The following MCC variants were observed in gnomAD, a reference collection of about 807,000 sequenced individuals.
MCC encodes the protein MCC regulator of Wnt signaling pathway.
Under a neutral mutation model 116.2 loss-of-function variants are expected in MCC, and 90 were observed. The ratio of observed to expected loss-of-function variants is 0.77; its 90% CI spans 0.65 to 0.92. The LOEUF (loss-of-function observed/expected upper bound fraction) is 0.92. MCC is among the 40% of genes least tolerant of loss of function. The pLI is 0.00. For synonymous variants in MCC, 578 were observed against 510.5 expected, an observed-to-expected ratio of 1.13 and a Z score of -1.78; for missense variants, 1,516 against 1,312.2, an observed-to-expected ratio of 1.16 and a Z score of -2.40.
intron 3 of MCC, among the ~76,000 whole-genome samples, chr5:113,338,601 T>C (rs1767926686): frequency 6.6e-6 from 1 of 152,260 alleles, no homozygotes; most frequent in Non-Finnish European, 1.5e-5. Context: ...TTTTGATCTC[T>C]GTTTAACACT....
In MCC at chr5:113,151,381, C is replaced by T. The variant is rs755604999; in HGVS notation, c.669G>A (p.Val223=). 9 of 1,613,506 alleles carry T rather than the reference C, an allele frequency of 5.6e-6. No homozygotes were observed. The Admixed American group carries it at 1.3e-4, about 24-fold the overall frequency. The change falls in exon 4 of 19, where the codon GTG becomes GTA. Residue 223 remains valine, a synonymous_variant. Coordinates refer to ENST00000408903, the MANE Select transcript of MCC (RefSeq NM_001085377.2). Reference sequence around the variant, plus strand: ...TTTGCTGGAGACGTTTATTAAGTTCCACTATATCTCCCTTTAGTGATGCCA... The same window carrying T: ...TTTGCTGGAGACGTTTATTAAGTTCTACTATATCTCCCTTTAGTGATGCCA... The part of the protein sequence containing the change: ...AALASLKGDI[V]ELNKRLQQTE...
chr5:113,067,235 C>T (rs1753678927), intron 13 of MCC, among the ~76,000 whole-genome samples: 1 of 152,188 alleles, frequency 6.6e-6, no homozygotes, highest in Non-Finnish European at 1.5e-5. Flanking sequence ...GGGGGAAGGA[C>T]AGGCACAGGA....
At chr5:113,072,202 G>A (rs889204143) in intron 11 of MCC, among the ~76,000 whole-genome samples, 3 of 152,306 alleles carry the variant, frequency 2.0e-5, no homozygotes, top group African/African-American at 7.2e-5. Flanking sequence ...AAATGTTAAG[G>A]GGTTTGGAAG....
intron 4 of MCC, among the ~76,000 whole-genome samples, chr5:113,146,198 G>A (rs1353625649): frequency 8.3e-5 from 3 of 36,272 alleles, no homozygotes; most frequent in African/African-American, 2.7e-4. Flanking sequence ...ATGAGACTGT[G>A]CTGGGTGCTA....
chr5:113,197,747 T>C (rs1349086140), intron 3 of MCC, among the ~76,000 whole-genome samples: 3 of 152,306 alleles, frequency 2.0e-5, no homozygotes, highest in East Asian at 3.9e-4. Context: ...CCTCACTTTA[T>C]AGTTGAGAAG....
At position 113,026,607 on chromosome 5, in the gene MCC, G is replaced by C. The variant is rs769496739; in HGVS notation, c.*695C>G. ...TTCCCAGCCCTGCCTCCAAAATGAA[G>C]ATTGAAGGAAGTTTTTATTCTCTCA... On this transcript the variant is annotated 3_prime_UTR_variant, in exon 19 of 19. Coordinates refer to ENST00000408903, the MANE Select transcript of MCC (RefSeq NM_001085377.2). 1 of 152,174 alleles carries C rather than the reference G, an allele frequency of 6.6e-6. No individual in the cohort carries two copies. The highest frequency in any genetic ancestry group is 1.5e-5 in the Non-Finnish European group (1 of 68,058). The allele number at this position is 152,174 out of a possible 1,614,324, so 9.4% of individuals were successfully genotyped here. A position where few individuals can be genotyped will look rare whatever the true frequency, so the allele number is the denominator to read the frequency against.
Position 113,294,604 on chromosome 5 carries a change from G to A in MCC, c.627+45915C>T, listed in dbSNP as rs532053504. On this transcript the variant is annotated intron_variant, in intron 3 of 18. Coordinates refer to ENST00000408903, the MANE Select transcript of MCC (RefSeq NM_001085377.2). ...TCACGGACGAGCCATTGCTGCAGGA[G>A]GCTCGGTGGCGCGGCGCGCTCGCAG... 4 of 1,184,392 alleles carry A rather than the reference G, an allele frequency of 3.4e-6. No individual in the cohort carries two copies. In the East Asian group the frequency reaches 1.1e-4, roughly 33 times the overall value. 73.4% of individuals were successfully genotyped at this position (1,184,392 alleles called of 1,614,324 possible).
intron 8 of MCC, among the ~76,000 whole-genome samples, chr5:113,089,165 A>G (rs1308714606): frequency 6.6e-6 from 1 of 152,020 alleles, no homozygotes; most frequent in Non-Finnish European, 1.5e-5. Flanking sequence ...TGTCTGGTAA[A>G]CATTATGATG....
intron 1 of MCC, among the ~76,000 whole-genome samples, chr5:113,411,691 T>TA (rs1188633646): frequency 2.0e-5 from 3 of 151,146 alleles, no homozygotes; most frequent in South Asian, 2.1e-4. Flanking sequence ...AAAAGCAAAA[T>TA]AAAAAAAAAT....
intron 3 of MCC, among the ~76,000 whole-genome samples, chr5:113,265,608 C>T (rs1465776435): frequency 6.6e-6 from 1 of 152,176 alleles, no homozygotes; most frequent in Non-Finnish European, 1.5e-5. Context: ...AATATGAACA[C>T]ACCCCCTTTT....
chr5:113,355,579 A>G (rs1343015366), intron 2 of MCC, among the ~76,000 whole-genome samples: 1 of 152,152 alleles, frequency 6.6e-6, no homozygotes, highest in Non-Finnish European at 1.5e-5. Flanking sequence ...TCTGGAGGCT[A>G]GAAGTCCAAA....
intron 8 of MCC, among the ~76,000 whole-genome samples, chr5:113,086,306 G>GGGGCGTGAGAGTC (rs1554115966): frequency 1.3e-5 from 2 of 151,540 alleles, no homozygotes; most frequent in Admixed American, 6.6e-5. Flanking sequence ...TGATATGCCT[G>GGGGCGTGAGAGTC]GGGGGTTGAA....
intron 3 of MCC, chr5:113,204,475 T>C (rs1276245567): frequency 6.6e-6 from 1 of 152,244 alleles, no homozygotes; most frequent in Non-Finnish European, 1.5e-5. Flanking sequence ...AATTCTAAAA[T>C]ATACACCAAA....
chr5:113,098,913 G>T (rs1756219084), intron 8 of MCC, among the ~76,000 whole-genome samples: 1 of 152,188 alleles, frequency 6.6e-6, no homozygotes. Context: ...ACTCTGTACT[G>T]TCACAGGGTA....
intron 3 of MCC, among the ~76,000 whole-genome samples, chr5:113,239,932 G>C (rs1298957584): frequency 6.6e-6 from 1 of 152,156 alleles, no homozygotes; most frequent in African/African-American, 2.4e-5. Flanking sequence ...TCTCCACACA[G>C]AGCTCAGGTT....
chr5:113,330,651 G>A (rs987345631), intron 3 of MCC, among the ~76,000 whole-genome samples: 3 of 152,074 alleles, frequency 2.0e-5, no homozygotes, highest in African/African-American at 4.8e-5. Context: ...ATTCTGTGAC[G>A]AAAACCCCTC....
At position 113,488,224 on chromosome 5, in the gene MCC, TCCTCGTA is replaced by T; in HGVS notation, c.170+14_170+20del. ...GGGACTGATCTCGCTCCTGTCGGTTTCCTCGTACCTCCCCGCGTACCTGCTGATGTAT... is the reference window on the plus strand; with the variant it reads ...GGGACTGATCTCGCTCCTGTCGGTTTCCTCCCCGCGTACCTGCTGATGTAT... On this transcript the variant is annotated intron_variant, in intron 1 of 18. Coordinates refer to ENST00000408903, the MANE Select transcript of MCC (RefSeq NM_001085377.2). The T allele has an allele frequency of 3.2e-6, 5 of 1,579,928 alleles. No homozygotes were observed. Among genetic ancestry groups the T allele is most frequent in the Non-Finnish European group, 3.4e-6 (4 of 1,164,472 alleles).
intron 3 of MCC, among the ~76,000 whole-genome samples, chr5:113,198,696 A>G (rs999908425): frequency 7.7e-6 from 1 of 129,760 alleles, no homozygotes; most frequent in Non-Finnish European, 1.6e-5. Flanking sequence ...ACACAGCAAC[A>G]CCCCCACCTC....
intron 1 of MCC, among the ~76,000 whole-genome samples, chr5:113,476,741 G>C (rs1300461665): frequency 1.3e-5 from 2 of 152,206 alleles, no homozygotes; most frequent in African/African-American, 4.8e-5. Flanking sequence ...CCTAGGGCCG[G>C]AGTGGTTAGG....
Sources: allele counts gnomAD v4.1 joint callset (sites outside exome capture counted in the v4.1 genomes callset), GRCh38; gene constraint gnomAD v4.1.1; transcripts MANE v1.5; gene names NCBI Gene and HGNC (gene_info 2026-07-23, HGNC 2026-07-21).